The following LTBP1 variants were observed in gnomAD, a reference collection of about 807,000 sequenced individuals.
LTBP1 encodes the protein latent transforming growth factor beta binding protein 1, also known as latent-transforming growth factor beta-binding protein 1.
In LTBP1, 129 loss-of-function variants were observed where a neutral mutation model predicts 207.6. That is an observed-to-expected ratio of 0.62 (90% CI 0.54 to 0.72). LTBP1 has a LOEUF of 0.72. Ranked by LOEUF, LTBP1 falls within the 30% of genes least tolerant of loss-of-function variation. The pLI, the probability that LTBP1 is intolerant of heterozygous loss-of-function variation, is 0.00. For synonymous variants in LTBP1, 963 were observed against 833.7 expected (o/e 1.16, Z -2.67); for missense variants, 2,281 against 2,217.2 (o/e 1.03, Z -0.58).
At chr2:33,096,451 A>G (rs1207503902) in intron 3 of LTBP1, among the ~76,000 whole-genome samples, 1 of 152,192 alleles carries the variant, frequency 6.6e-6, no homozygotes, top group Non-Finnish European at 1.5e-5. Flanking sequence ...GTTTATTACA[A>G]ACATAGATGT....
intron 3 of LTBP1, chr2:33,056,587 C>T (rs1355021890): frequency 2.7e-6 from 1 of 369,314 alleles, no homozygotes; most frequent in Non-Finnish European, 5.0e-6. Flanking sequence ...CGGACCCTCG[C>T]AGTGAGTGTT....
intron 2 of LTBP1, among the ~76,000 whole-genome samples, chr2:32,987,373 G>C (rs1180407207): frequency 6.6e-6 from 1 of 152,120 alleles, no homozygotes; most frequent in Non-Finnish European, 1.5e-5. Flanking sequence ...GGCTGTCCTT[G>C]CTTGCTGTTC....
At chr2:33,097,986 TCAATGAGTA>T (rs2079487961) in intron 3 of LTBP1, among the ~76,000 whole-genome samples, 1 of 152,182 alleles carries the variant, frequency 6.6e-6, no homozygotes, top group African/African-American at 2.4e-5. Flanking sequence ...GATTAGTAGG[TCAATGAGTA>T]CATCAGTTTT....
intron 5 of LTBP1, among the ~76,000 whole-genome samples, chr2:33,160,627 T>C (rs2084381714): frequency 6.6e-6 from 1 of 152,202 alleles, no homozygotes; most frequent in Non-Finnish European, 1.5e-5. Flanking sequence ...GAAAGAGGCT[T>C]TTTCAGCTCT....
At chr2:33,197,231 T>A (rs1341386558) in intron 7 of LTBP1, among the ~76,000 whole-genome samples, 3 of 151,736 alleles carry the variant, frequency 2.0e-5, no homozygotes, top group African/African-American at 7.3e-5. Flanking sequence ...CAGACAGGAG[T>A]GGTTTTCTTG....
intron 7 of LTBP1, among the ~76,000 whole-genome samples, chr2:33,193,571 T>C (rs1474233749): frequency 6.6e-6 from 1 of 152,246 alleles, no homozygotes; most frequent in Non-Finnish European, 1.5e-5. Flanking sequence ...AGATATTGTG[T>C]CTTTTACTAA....
chr2:33,322,839 G>C (rs10175619), intron 24 of LTBP1, among the ~76,000 whole-genome samples: 51,828 of 152,078 alleles, frequency 0.34, 9,869 homozygotes, highest in Admixed American at 0.41. Flanking sequence ...TTCTTTCTCA[G>C]ATTCACTCAC....
In LTBP1 at chr2:33,188,863, C is replaced by G; in HGVS notation, c.1701+12C>G. ...CCATTGGGTCACAGGTAAACATCAT[C>G]ACCGAGCCTGCTTTAGCAGTGTCTT... On this transcript the variant is annotated intron_variant, in intron 7 of 33. Transcript: ENST00000404816. The G allele has an allele frequency of 6.2e-7, 1 of 1,612,824 alleles. No homozygotes were observed.
intron 3 of LTBP1, among the ~76,000 whole-genome samples, chr2:33,103,550 A>C (rs1053383438): frequency 1.3e-5 from 2 of 149,140 alleles, no homozygotes; most frequent in Non-Finnish European, 3.0e-5. Context: ...TTCCATATGG[A>C]TGGGGTCATG....
intron 11 of LTBP1, among the ~76,000 whole-genome samples, chr2:33,254,852 G>GTTTTTTTTTTTTTTTTTTTTTT (rs70938393): frequency 3.9e-4 from 4 of 10,362 alleles, no homozygotes; most frequent in African/African-American, 5.4e-4. Context: ...GCGGTGTTTG[G>GTTTTTTTTTTTTTTTTTTTTTT]TTTTTTTTTT....
intron 3 of LTBP1, among the ~76,000 whole-genome samples, chr2:33,073,011 C>T (rs1283267122): frequency 6.6e-6 from 1 of 152,114 alleles, no homozygotes; most frequent in African/African-American, 2.4e-5. Flanking sequence ...AGTAGTGTTG[C>T]CCTCCACAGA....
chr2:33,041,206 G>T (rs1439261330), intron 3 of LTBP1, among the ~76,000 whole-genome samples: 1 of 152,044 alleles, frequency 6.6e-6, no homozygotes, highest in African/African-American at 2.4e-5. Context: ...TCTGGGTCAG[G>T]CCTCTTTATT....
intron 7 of LTBP1, among the ~76,000 whole-genome samples, chr2:33,198,950 G>A (rs2088881192): frequency 6.6e-6 from 1 of 152,010 alleles, no homozygotes; most frequent in African/African-American, 2.4e-5. Context: ...GCTTTTGAAT[G>A]TGTTTGCTCT....
chr2:33,037,752 C>G (rs1482955219), intron 3 of LTBP1, among the ~76,000 whole-genome samples: 4 of 152,194 alleles, frequency 2.6e-5, no homozygotes, highest in Non-Finnish European at 5.9e-5. Context: ...AGGCCTCACT[C>G]TGTCGCTCAG....
chr2:33,259,707 A>C lies in LTBP1; in HGVS notation c.2418+97A>C. The stretch of plus-strand genomic sequence containing the variant: ...ATTTTTTAGACTTAAATATAGTAAC[A>C]TCTCTATTATGCATCATTTGGTTTG... On this transcript the variant is annotated intron_variant, in intron 13 of 33. Transcript: ENST00000404816. 2.7e-6 allele frequency: 3 copies of C among 1,108,454 alleles called. 1 individual carries two copies. The South Asian group carries it at 4.6e-5, about 17-fold the overall frequency. 68.7% of individuals were successfully genotyped at this position (1,108,454 alleles called of 1,614,324 possible).
intron 23 of LTBP1, among the ~76,000 whole-genome samples, chr2:33,310,687 A>T (rs1054190816): frequency 6.6e-6 from 1 of 152,176 alleles, no homozygotes; most frequent in Non-Finnish European, 1.5e-5. Context: ...AAGAAAGTGA[A>T]ATTAAGTGAT....
chr2:32,972,573 T>C (rs1681064704), intron 2 of LTBP1, among the ~76,000 whole-genome samples: 1 of 152,170 alleles, frequency 6.6e-6, no homozygotes, highest in Middle Eastern at 3.2e-3. Flanking sequence ...TATGTAGTTG[T>C]ATGGTGATAT....
intron 3 of LTBP1, among the ~76,000 whole-genome samples, chr2:33,078,163 A>T (rs1165363273): frequency 6.6e-6 from 1 of 152,234 alleles, no homozygotes; most frequent in African/African-American, 2.4e-5. Flanking sequence ...GAAATGTGAT[A>T]ACTGCTGTTG....
At chr2:33,150,310 G>C (rs1031475754) in intron 5 of LTBP1, among the ~76,000 whole-genome samples, 4 of 152,068 alleles carry the variant, frequency 2.6e-5, no homozygotes, top group Non-Finnish European at 5.9e-5. Flanking sequence ...TCGGTGTGTA[G>C]GGGGGTTATA....
Sources: allele counts gnomAD v4.1 joint callset (sites outside exome capture counted in the v4.1 genomes callset), GRCh38; gene constraint gnomAD v4.1.1; transcripts MANE v1.5; gene names NCBI Gene and HGNC (gene_info 2026-07-23, HGNC 2026-07-21).